The following PLCXD3 variants were observed in gnomAD, a reference collection of about 807,000 sequenced individuals.
PLCXD3 encodes PI-PLC X domain-containing protein 3.
In PLCXD3, 19 loss-of-function variants were observed where a neutral mutation model predicts 25.5. The ratio of observed to expected loss-of-function variants is 0.75; its 90% CI spans 0.52 to 1.09. The LOEUF (loss-of-function observed/expected upper bound fraction) is 1.09, where lower values mean the gene tolerates loss of function less well. Ranked by LOEUF, PLCXD3 falls within the 50% of genes least tolerant of loss-of-function variation. PLCXD3 has a pLI of 0.00. For synonymous variants in PLCXD3, 174 were observed against 137.6 expected (o/e 1.26, Z -1.85); for missense variants, 411 against 388.1 (o/e 1.06, Z -0.50).
chr5:41,415,983 G>C (rs1282110186), intron 1 of PLCXD3, among the ~76,000 whole-genome samples: 2 of 152,170 alleles, frequency 1.3e-5, no homozygotes. Flanking sequence ...AATCAGGAGT[G>C]TTACCAGAAA....
chr5:41,494,461 C>T (rs1748791238), intron 1 of PLCXD3, among the ~76,000 whole-genome samples: 1 of 152,068 alleles, frequency 6.6e-6, no homozygotes, highest in Non-Finnish European at 1.5e-5. Flanking sequence ...GAATTTATTC[C>T]TTGAGTGGTT....
intron 2 of PLCXD3, among the ~76,000 whole-genome samples, chr5:41,370,277 C>T (rs548445310): frequency 6.6e-6 from 1 of 152,218 alleles, no homozygotes; most frequent in African/African-American, 2.4e-5. Flanking sequence ...GAGCAAGAGC[C>T]AGAAGATCTG....
chr5:41,421,705 A>G (rs1353380228), intron 1 of PLCXD3, among the ~76,000 whole-genome samples: 2 of 152,206 alleles, frequency 1.3e-5, no homozygotes, highest in Non-Finnish European at 2.9e-5. Flanking sequence ...CTTCTCAAAA[A>G]AACAAAACAA....
intron 1 of PLCXD3, among the ~76,000 whole-genome samples, chr5:41,442,681 TA>T (rs1747410258): frequency 6.6e-6 from 1 of 152,200 alleles, no homozygotes; most frequent in South Asian, 2.1e-4. Context: ...GTTGTGATGG[TA>T]GAACAATGTC....
intron 1 of PLCXD3, among the ~76,000 whole-genome samples, chr5:41,396,000 A>AG (rs1021142917): frequency 7.7e-6 from 1 of 129,622 alleles, no homozygotes; most frequent in African/African-American, 3.3e-5. Context: ...GGCCCATCAA[A>AG]GAAAAAAAAA....
At chr5:41,434,945 T>C (rs1462540065) in intron 1 of PLCXD3, among the ~76,000 whole-genome samples, 2 of 152,184 alleles carry the variant, frequency 1.3e-5, no homozygotes, top group Non-Finnish European at 2.9e-5. Flanking sequence ...TTTGTTCTCC[T>C]TAATTTTAAT....
intron 2 of PLCXD3, among the ~76,000 whole-genome samples, chr5:41,380,065 C>T (rs1745410777): frequency 6.6e-6 from 1 of 151,926 alleles, no homozygotes; most frequent in Admixed American, 6.6e-5. Flanking sequence ...GAGTTTTCAC[C>T]ATCGAGAAAT....
In PLCXD3 at chr5:41,369,021, G is replaced by A. The variant is rs574723856; in HGVS notation, c.812+12805C>T. Among the ~76,000 whole-genome samples, 7 of 152,252 alleles carry A rather than the reference G, an allele frequency of 4.6e-5. No individual in the cohort carries two copies. In the South Asian group the frequency reaches 6.2e-4, roughly 14 times the overall value. Reference sequence around the variant, plus strand: ...TCAGCCATATTGTGTTTGGGGTCTTGTTGGTCTGTGGACACATGAGTGATG... The same window carrying A: ...TCAGCCATATTGTGTTTGGGGTCTTATTGGTCTGTGGACACATGAGTGATG... On this transcript the variant is annotated intron_variant, in intron 2 of 2. Transcript: ENST00000377801.
At position 41,381,876 on chromosome 5, in the gene PLCXD3, G is replaced by A; in HGVS notation, c.762C>T (p.Ser254=). The A allele has an allele frequency of 6.2e-7, 1 of 1,613,026 alleles. No homozygotes were observed. The highest frequency in any genetic ancestry group is 1.3e-5 in the African/African-American group (1 of 74,944). Reference sequence around the variant, plus strand: ...CACTTGCCACCCCTTTGACCACAGTGCTAGCTTTGGGGGTCAGCACCACCT... The same window carrying A: ...CACTTGCCACCCCTTTGACCACAGTACTAGCTTTGGGGGTCAGCACCACCT... ...ISQVVLTPKA[S]TVVKGVASGL... is the part of the protein sequence containing the mutation. The change falls in exon 2 of 3, where the codon AGC becomes AGT. Residue 254 remains serine (S), a synonymous_variant. Transcript: ENST00000377801.
chr5:41,398,807 T>C (rs994586346), intron 1 of PLCXD3, among the ~76,000 whole-genome samples: 1 of 152,118 alleles, frequency 6.6e-6, no homozygotes, highest in Non-Finnish European at 1.5e-5. Flanking sequence ...ACAACAAGGA[T>C]GCCTGCTCTC....
chr5:41,384,916 G>A (rs577536007), intron 1 of PLCXD3, among the ~76,000 whole-genome samples: 20 of 152,104 alleles, frequency 1.3e-4, no homozygotes, highest in Admixed American at 4.6e-4. Flanking sequence ...ACAGCACCTC[G>A]TATAAAATGG....
At chr5:41,478,404 T>C (rs1417050248) in intron 1 of PLCXD3, among the ~76,000 whole-genome samples, 1 of 152,250 alleles carries the variant, frequency 6.6e-6, no homozygotes, top group Non-Finnish European at 1.5e-5. Flanking sequence ...AGTTAACATC[T>C]AGATTTTAAA....
intron 2 of PLCXD3, among the ~76,000 whole-genome samples, chr5:41,332,838 G>C (rs1446204116): frequency 1.3e-5 from 2 of 151,970 alleles, no homozygotes. Flanking sequence ...GTAAACTATC[G>C]CAAGAACAAA....
chr5:41,388,851 C>T (rs1745721722), intron 1 of PLCXD3, among the ~76,000 whole-genome samples: 1 of 151,642 alleles, frequency 6.6e-6, no homozygotes, highest in African/African-American at 2.4e-5. Flanking sequence ...TATGTATGTA[C>T]CATGTTTTGT....
chr5:41,394,609 G>C (rs1745939390), intron 1 of PLCXD3, among the ~76,000 whole-genome samples: 1 of 151,970 alleles, frequency 6.6e-6, no homozygotes, highest in South Asian at 2.1e-4. Context: ...TGAAAATACA[G>C]GGATGGAGAA....
intron 1 of PLCXD3, among the ~76,000 whole-genome samples, chr5:41,485,715 A>G (rs924423324): frequency 6.6e-6 from 1 of 152,130 alleles, no homozygotes; most frequent in Non-Finnish European, 1.5e-5. Flanking sequence ...TCTACAAACT[A>G]TATCTGGTTA....
intron 1 of PLCXD3, among the ~76,000 whole-genome samples, chr5:41,433,065 C>T (rs1030887390): frequency 8.5e-5 from 13 of 152,164 alleles, no homozygotes; most frequent in Non-Finnish European, 1.3e-4. Context: ...TTCAATTAGC[C>T]GGTGCAGAGG....
intron 1 of PLCXD3, among the ~76,000 whole-genome samples, chr5:41,416,527 C>G (rs988695137): frequency 1.3e-5 from 2 of 152,100 alleles, no homozygotes; most frequent in Non-Finnish European, 2.9e-5. Context: ...GATGGGAAAC[C>G]AGTGTAGTGC....
chr5:41,472,278 T>G (rs1266022035), intron 1 of PLCXD3, among the ~76,000 whole-genome samples: 1 of 152,134 alleles, frequency 6.6e-6, no homozygotes, highest in Non-Finnish European at 1.5e-5. Context: ...AAACAGGCAG[T>G]TAACTCTTCA....
Sources: gnomAD v4.1 joint callset for allele counts (sites outside exome capture counted in the v4.1 genomes callset) on GRCh38, gnomAD v4.1.1 for gene constraint, MANE v1.5 for transcripts, NCBI Gene and HGNC (gene_info 2026-07-23, HGNC 2026-07-21) for gene names.